TSPAN5: variants seen among roughly 807,000 people sequenced by gnomAD.
The protein encoded by TSPAN5 is tetraspanin-5.
In TSPAN5, 10 loss-of-function variants were observed where a neutral mutation model predicts 37.1. The observed-to-expected ratio is 0.27, with a 90% CI of 0.17 to 0.46. The LOEUF (loss-of-function observed/expected upper bound fraction) is 0.46, where lower values mean the gene tolerates loss of function less well. Ranked by LOEUF, TSPAN5 falls within the 20% of genes least tolerant of loss-of-function variation. The pLI, the probability that TSPAN5 is intolerant of heterozygous loss-of-function variation, is 1.00. For missense variants in TSPAN5, 195 were observed against 326.6 expected, an observed-to-expected ratio of 0.60 and a Z score of 3.11; for synonymous variants, 110 against 118.9, an observed-to-expected ratio of 0.93 and a Z score of 0.48.
intron 3 of TSPAN5, among the ~76,000 whole-genome samples, chr4:98,485,771 T>C (rs1167159091): frequency 6.7e-6 from 1 of 149,008 alleles, no homozygotes; most frequent in Non-Finnish European, 1.5e-5. Context: ...GCTTTTTTTT[T>C]TTTTTTTTTT....
intron 1 of TSPAN5, among the ~76,000 whole-genome samples, chr4:98,646,027 G>A (rs562299903): frequency 6.6e-6 from 1 of 152,116 alleles, no homozygotes; most frequent in African/African-American, 2.4e-5. Context: ...TCCTCTCAGA[G>A]CTGAGCCCAG....
chr4:98,585,223 T>C (rs1755460049), intron 1 of TSPAN5, among the ~76,000 whole-genome samples: 1 of 152,238 alleles, frequency 6.6e-6, no homozygotes, highest in Non-Finnish European at 1.5e-5. Context: ...AGTGTACCCA[T>C]TACCCGAATG....
intron 1 of TSPAN5, among the ~76,000 whole-genome samples, chr4:98,640,638 C>T (rs1036964959): frequency 1.3e-5 from 2 of 152,128 alleles, no homozygotes; most frequent in Admixed American, 6.6e-5. Flanking sequence ...ATGAGAAAAC[C>T]CTCAGATCCA....
chr4:98,643,706 G>T (rs573391602), intron 1 of TSPAN5, among the ~76,000 whole-genome samples: 1 of 152,028 alleles, frequency 6.6e-6, no homozygotes, highest in Non-Finnish European at 1.5e-5. Flanking sequence ...AATCTTGCAG[G>T]GTCAGGAAAA....
chr4:98,529,724 C>A (rs563348144), intron 1 of TSPAN5, among the ~76,000 whole-genome samples: 1 of 152,200 alleles, frequency 6.6e-6, no homozygotes, highest in African/African-American at 2.4e-5. Flanking sequence ...CTCCTCACTG[C>A]GTCTCAGAAC....
chr4:98,616,107 T>C (rs1484660337), intron 1 of TSPAN5, among the ~76,000 whole-genome samples: 4 of 151,994 alleles, frequency 2.6e-5, no homozygotes, highest in Non-Finnish European at 5.9e-5. Context: ...TGCTTGTCCT[T>C]TTCCCTCACT....
chr4:98,476,940 C>T (rs1369843348), intron 5 of TSPAN5, among the ~76,000 whole-genome samples: 1 of 152,232 alleles, frequency 6.6e-6, no homozygotes, highest in East Asian at 1.9e-4. Context: ...GCCCCGACCA[C>T]ATAATCACAC....
At chr4:98,495,793 G>A (rs992254626) in intron 2 of TSPAN5, among the ~76,000 whole-genome samples, 5 of 151,660 alleles carry the variant, frequency 3.3e-5, no homozygotes, top group Admixed American at 2.6e-4. Context: ...CCAGCACAGA[G>A]GAGCCTCTGT....
rs183135172 is a variant in TSPAN5 at position 98,644,389 on chromosome 4, C to T, written c.81+13757G>A. ...TGTTTGTTCACTGTTCTCGGAGCACCTGACGAAGAGTTTCCACTTTTAATA... is the reference window on the plus strand; with the variant it reads ...TGTTTGTTCACTGTTCTCGGAGCACTTGACGAAGAGTTTCCACTTTTAATA... On this transcript the variant is annotated intron_variant, in intron 1 of 7. Transcript: ENST00000305798. Among the ~76,000 whole-genome samples, 259 of 152,090 alleles carry T rather than the reference C, an allele frequency of 1.7e-3. 1 individual carries two copies. The highest frequency in any genetic ancestry group is 6.1e-3 in the African/African-American group (251 of 41,480).
At chr4:98,557,921 A>T (rs1056809301) in intron 1 of TSPAN5, among the ~76,000 whole-genome samples, 23 of 152,196 alleles carry the variant, frequency 1.5e-4, no homozygotes, top group African/African-American at 5.5e-4. Flanking sequence ...ATCATCAAAA[A>T]CAAAAAGGTC....
intron 1 of TSPAN5, among the ~76,000 whole-genome samples, chr4:98,599,878 T>C (rs1755845105): frequency 6.6e-6 from 1 of 152,238 alleles, no homozygotes. Flanking sequence ...GTGAATAATG[T>C]TGCTATGAAC....
intron 1 of TSPAN5, among the ~76,000 whole-genome samples, chr4:98,568,760 C>T (rs1755060454): frequency 6.6e-6 from 1 of 152,206 alleles, no homozygotes; most frequent in Admixed American, 6.5e-5. Flanking sequence ...TTTAAAAAGC[C>T]AAGACATGCA....
chr4:98,549,823 TC>T (rs1334000167), intron 1 of TSPAN5, among the ~76,000 whole-genome samples: 1 of 152,128 alleles, frequency 6.6e-6, no homozygotes, highest in Admixed American at 6.5e-5. Flanking sequence ...AATTTTTTTT[TC>T]CTCATTCTGT....
intron 7 of TSPAN5, among the ~76,000 whole-genome samples, chr4:98,473,311 G>A (rs902395273): frequency 4.6e-5 from 7 of 152,104 alleles, no homozygotes; most frequent in Non-Finnish European, 7.4e-5. Flanking sequence ...TGAGGGTTTC[G>A]TTTTCTCCAC....
intron 4 of TSPAN5, among the ~76,000 whole-genome samples, chr4:98,481,662 A>G (rs1560506507): frequency 1.3e-5 from 2 of 152,250 alleles, no homozygotes; most frequent in Non-Finnish European, 2.9e-5. Flanking sequence ...GAAAGAATCC[A>G]TATTTAATAA....
intron 1 of TSPAN5, among the ~76,000 whole-genome samples, chr4:98,656,797 T>C (rs952826584): frequency 3.9e-5 from 6 of 152,182 alleles, no homozygotes; most frequent in Non-Finnish European, 8.8e-5. Context: ...CAAGGTATTA[T>C]AATAGAAAAC....
At chr4:98,483,040 T>C (rs558747214) in intron 3 of TSPAN5, 8 of 152,366 alleles carry the variant, frequency 5.3e-5, no homozygotes, top group Non-Finnish European at 1.2e-4. Context: ...CATATCGACT[T>C]ACTGCTCACG....
In TSPAN5 at chr4:98,658,188, A is replaced by G. The variant is rs754201200; in HGVS notation, c.39T>C (p.Cys13=). ...AGCCAAATATGAAGTATTTGATGCA[A>G]CAACTGACTTCAGGACCCTTGTAGT... ...GKHYKGPEVS[C]CIKYFIFGFN... is the part of the protein sequence containing the mutation. The change falls in exon 1 of 8, where the codon TGT becomes TGC. Residue 13 remains cysteine (C), a synonymous_variant. Coordinates refer to ENST00000305798, the MANE Select transcript of TSPAN5 (RefSeq NM_005723.4). 12 of 1,614,216 alleles carry G rather than the reference A, an allele frequency of 7.4e-6. No homozygotes were observed. In the South Asian group the frequency reaches 1.1e-4, roughly 15 times the overall value.
intron 1 of TSPAN5, among the ~76,000 whole-genome samples, chr4:98,530,402 T>C (rs1217167059): frequency 6.6e-6 from 1 of 152,168 alleles, no homozygotes; most frequent in Non-Finnish European, 1.5e-5. Flanking sequence ...ATCATACAAA[T>C]GAGGAAACAG....
Sources: allele counts gnomAD v4.1 joint callset (sites outside exome capture counted in the v4.1 genomes callset), GRCh38; gene constraint gnomAD v4.1.1; transcripts MANE v1.5; gene names NCBI Gene and HGNC (gene_info 2026-07-23, HGNC 2026-07-21).